NFATC1: variants seen among roughly 807,000 people sequenced by gnomAD.
NFATC1 encodes nuclear factor of activated T cells 1.
In NFATC1, 22 loss-of-function variants were observed where a neutral mutation model predicts 76.0. That is an observed-to-expected ratio of 0.29 (90% confidence interval 0.21 to 0.41). NFATC1 has a LOEUF of 0.41. Among genes scored for constraint, NFATC1 ranks in the 10% least tolerant of loss-of-function variants. NFATC1 has a pLI of 1.00. For missense variants in NFATC1, 1,357 were observed against 1,337.7 expected (o/e 1.01, Z -0.23); for synonymous variants, 704 against 613.1 (o/e 1.15, Z -2.19).
intron 2 of NFATC1, among the ~76,000 whole-genome samples, chr18:79,424,571 GTCTCTCCATCTCTT>G (rs1176882799): frequency 2.7e-5 from 4 of 145,972 alleles, no homozygotes; most frequent in African/African-American, 1.0e-4. Flanking sequence ...CTCTGTCTCT[GTCTCTCCATCTCTT>G]TCTCTGTCTC....
In NFATC1 at chr18:79,409,780, A is replaced by C. The variant is rs1381950619; in HGVS notation, c.128-623A>C. On this transcript the variant is annotated intron_variant, in intron 1 of 9. Coordinates refer to ENST00000427363, the MANE Select transcript of NFATC1 (RefSeq NM_001278669.2). Reference sequence around the variant, plus strand: ...AGGCACAGTCTTTGGCTCTGAAAACAGCGGTGAGCAGAATAGACTAAGGCG... The same window carrying C: ...AGGCACAGTCTTTGGCTCTGAAAACCGCGGTGAGCAGAATAGACTAAGGCG... Among the ~76,000 whole-genome samples the C allele has an allele frequency of 2.6e-5, 4 of 152,274 alleles. No homozygotes were observed. The South Asian group carries it at 8.3e-4, about 32-fold the overall frequency.
chr18:79,443,620 G>T lies in NFATC1; in HGVS notation c.1387-5162G>T, dbSNP rs2087074058. On this transcript the variant is annotated intron_variant, in intron 3 of 9. Transcript: ENST00000427363. ...TCCGCCGTTCAGGCCTCAGCATGCA[G>T]CAAGCCCGTGGGGTCCCGTCTGCCC... is the stretch of plus-strand genomic sequence containing the variant. Among the ~76,000 whole-genome samples the T allele has an allele frequency of 1.3e-5, 2 of 152,262 alleles. 1 individual carries two copies. Among genetic ancestry groups the T allele is most frequent in the East Asian group, 3.8e-4 (2 of 5,204 alleles).
At chr18:79,487,941 C>T (rs796202375) in intron 9 of NFATC1, among the ~76,000 whole-genome samples, 15 of 152,304 alleles carry the variant, frequency 9.8e-5, no homozygotes, top group African/African-American at 2.9e-4. Flanking sequence ...AGTGAGTCCT[C>T]CCAAGTGTAT....
chr18:79,456,460 C>G (rs1460858010), intron 6 of NFATC1, among the ~76,000 whole-genome samples: 4 of 152,216 alleles, frequency 2.6e-5, no homozygotes, highest in Admixed American at 2.6e-4. Context: ...GCGGAAGCCC[C>G]GAGGCCCCTG....
Position 79,396,152 on chromosome 18 carries a change from A to G in NFATC1, c.-73A>G. 2 of 1,342,292 alleles carry G rather than the reference A, an allele frequency of 1.5e-6. No individual in the cohort carries two copies. The highest frequency in any genetic ancestry group is 1.9e-6 in the Non-Finnish European group (2 of 1,033,354). 83.1% of individuals were successfully genotyped at this position (1,342,292 alleles called of 1,614,324 possible). A position where few individuals can be genotyped will look rare whatever the true frequency, so the allele number is the denominator to read the frequency against. On this transcript the variant is annotated 5_prime_UTR_variant, in exon 1 of 10. Coordinates refer to ENST00000427363, the MANE Select transcript of NFATC1 (RefSeq NM_001278669.2). The stretch of plus-strand genomic sequence containing the variant: ...CGAGGGCTGTCTTCCCGGAGACCCG[A>G]CCCCGGCAGCGCGGGGCGGCCGCTT...
At chr18:79,519,460 G>A (rs889351063) in intron 9 of NFATC1, among the ~76,000 whole-genome samples, 2 of 152,104 alleles carry the variant, frequency 1.3e-5, no homozygotes, top group African/African-American at 2.4e-5. Flanking sequence ...AGCCTCCCAA[G>A]TAGCTGGGAC....
At chr18:79,397,608 C>T (rs2085050411) in intron 1 of NFATC1, among the ~76,000 whole-genome samples, 2 of 152,222 alleles carry the variant, frequency 1.3e-5, no homozygotes, top group African/African-American at 4.8e-5. Context: ...CAGTGTTTTA[C>T]ACAATGTGCT....
chr18:79,510,139 A>G (rs2090209150), intron 9 of NFATC1, among the ~76,000 whole-genome samples: 1 of 152,196 alleles, frequency 6.6e-6, no homozygotes, highest in African/African-American at 2.4e-5. Flanking sequence ...GCCCCCCCCA[A>G]GGAGGAAATT....
At chr18:79,489,019 C>T (rs1339485627) in intron 9 of NFATC1, among the ~76,000 whole-genome samples, 2 of 152,228 alleles carry the variant, frequency 1.3e-5, no homozygotes, top group Non-Finnish European at 2.9e-5. Context: ...ACACAGCAGG[C>T]AGGGGACTGT....
At chr18:79,520,957 C>CCA (rs1335373489) in intron 9 of NFATC1, among the ~76,000 whole-genome samples, 15 of 65,258 alleles carry the variant, frequency 2.3e-4, no homozygotes, top group East Asian at 4.8e-4. Context: ...ATGTGTGTGT[C>CCA]TGTGTGTGGG....
intron 9 of NFATC1, among the ~76,000 whole-genome samples, chr18:79,507,657 C>T (rs2090146686): frequency 1.3e-5 from 2 of 152,240 alleles, no homozygotes; most frequent in South Asian, 4.1e-4. Context: ...GTTCCTGACG[C>T]ACGTCCCCCG....
intron 9 of NFATC1, among the ~76,000 whole-genome samples, chr18:79,507,344 T>G (rs535529256): frequency 6.6e-6 from 1 of 152,362 alleles, no homozygotes; most frequent in Non-Finnish European, 1.5e-5. Flanking sequence ...GACTGCGGGT[T>G]AGAGGGCTGT....
chr18:79,450,652 G>GGGGTGGAGGGTGGA (rs1250929148), intron 4 of NFATC1, among the ~76,000 whole-genome samples: 1 of 152,148 alleles, frequency 6.6e-6, no homozygotes, highest in Non-Finnish European at 1.5e-5. Context: ...CGCTTGGTCA[G>GGGGTGGAGGGTGGA]GGGTGGAGGG....
In NFATC1 at chr18:79,486,359, C is replaced by G; in HGVS notation, c.2204C>G (p.Ala735Gly). The G allele has an allele frequency of 6.2e-7, 1 of 1,613,084 alleles. No individual in the cohort carries two copies. The highest frequency in any genetic ancestry group is 8.5e-7 in the Non-Finnish European group (1 of 1,180,000). ...AGACCATACTACAGCCAGCAGCTCGCGATGCCACCCGACCCCAGCTCCTGC... is the reference window on the plus strand; with the variant it reads ...AGACCATACTACAGCCAGCAGCTCGGGATGCCACCCGACCCCAGCTCCTGC... ...LPRPYYSQQL[A>G]MPPDPSSCLV... Residue 735 changes from alanine to glycine, a missense_variant, in exon 9 of 10, where the codon GCG becomes GGG. Physicochemically the swap from Ala to Gly is moderately conservative, Grantham distance 60 (BLOSUM62 0). Around this residue, in one of 3 missense-constraint regions of NFATC1, gnomAD observed 424 missense variants for 395.4 expected, o/e 1.07. Coordinates refer to ENST00000427363, the MANE Select transcript of NFATC1 (RefSeq NM_001278669.2).
intron 9 of NFATC1, chr18:79,496,162 G>A (rs944139602): frequency 4.6e-5 from 7 of 152,672 alleles, no homozygotes; most frequent in African/African-American, 1.7e-4. Flanking sequence ...CATTTTAAGT[G>A]GCATTGTCTC....
At chr18:79,434,554 C>T (rs572884083) in intron 3 of NFATC1, among the ~76,000 whole-genome samples, 1 of 152,380 alleles carries the variant, frequency 6.6e-6, no homozygotes, top group South Asian at 2.1e-4. Context: ...GCTGCTTTGG[C>T]AGCCACAGAG....
chr18:79,484,230 G>A (rs1221878881), intron 8 of NFATC1, among the ~76,000 whole-genome samples: 2 of 152,108 alleles, frequency 1.3e-5, no homozygotes, highest in South Asian at 2.1e-4. Flanking sequence ...CGAGTTCACT[G>A]TGGCTGGACT....
chr18:79,479,169 T>G (rs1403767102), intron 8 of NFATC1, among the ~76,000 whole-genome samples: 1 of 152,260 alleles, frequency 6.6e-6, no homozygotes, highest in Non-Finnish European at 1.5e-5. Flanking sequence ...GATTGGTGTT[T>G]CTGTTGCACC....
chr18:79,470,780 G>A (rs2088754771), intron 8 of NFATC1: 1 of 152,354 alleles, frequency 6.6e-6, no homozygotes, highest in Non-Finnish European at 1.5e-5. Context: ...TTTTGAGTCA[G>A]AAGGTCGCAG....
Sources: gnomAD v4.1 joint callset for allele counts (sites outside exome capture counted in the v4.1 genomes callset) on GRCh38, gnomAD v4.1.1 for gene constraint, gnomAD v4.1.1 regional missense constraint, MANE v1.5 for transcripts, NCBI Gene and HGNC (gene_info 2026-07-23, HGNC 2026-07-21) for gene names.